The following CDH12 variants were observed in gnomAD, a reference collection of about 807,000 sequenced individuals.
CDH12 encodes the protein cadherin-12.
In CDH12, 41 loss-of-function variants were observed where a neutral mutation model predicts 74.1. That is an observed-to-expected ratio of 0.55 (90% CI 0.43 to 0.72). The LOEUF (loss-of-function observed/expected upper bound fraction) is 0.72, where lower values mean the gene tolerates loss of function less well. Among genes scored for constraint, CDH12 ranks in the 30% least tolerant of loss-of-function variants. The pLI is 0.00. For synonymous variants in CDH12, 399 were observed against 355.0 expected, an observed-to-expected ratio of 1.12 and a Z score of -1.39; for missense variants, 945 against 977.2, an observed-to-expected ratio of 0.97 and a Z score of 0.44.
chr5:22,346,786 G>T (rs1460315586), intron 3 of CDH12, among the ~76,000 whole-genome samples: 1 of 152,102 alleles, frequency 6.6e-6, no homozygotes, highest in African/African-American at 2.4e-5. Context: ...TGCTGGGAAA[G>T]GTCAGTGCAA....
intron 5 of CDH12, among the ~76,000 whole-genome samples, chr5:22,032,744 T>C (rs148339329): frequency 0.013 from 1,728 of 136,706 alleles, 27 homozygotes; most frequent in African/African-American, 0.049. Context: ...TTTGTATATA[T>C]ACATATTTAT....
chr5:22,565,182 C>T (rs1394197515), intron 1 of CDH12, among the ~76,000 whole-genome samples: 1 of 152,154 alleles, frequency 6.6e-6, no homozygotes, highest in East Asian at 1.9e-4. Flanking sequence ...GATCCACCTG[C>T]CCCTGCCTCC....
chr5:22,766,683 G>T (rs886594698), intron 1 of CDH12, among the ~76,000 whole-genome samples: 3 of 151,992 alleles, frequency 2.0e-5, no homozygotes, highest in African/African-American at 7.2e-5. Context: ...AACTCAACAA[G>T]ACTTGGAAAA....
chr5:21,766,398 A>G (rs370083283), intron 11 of CDH12, among the ~76,000 whole-genome samples: 7 of 152,074 alleles, frequency 4.6e-5, no homozygotes, highest in Admixed American at 6.5e-5. Flanking sequence ...CAGAAAGTAC[A>G]TATTATTTAA....
chr5:22,801,550 T>C (rs1748513257), intron 1 of CDH12, among the ~76,000 whole-genome samples: 1 of 150,588 alleles, frequency 6.6e-6, no homozygotes, highest in South Asian at 2.1e-4. Context: ...GTTGTCGATA[T>C]AATGCTTCTA....
At chr5:21,981,685 A>G (rs571842667) in intron 5 of CDH12, among the ~76,000 whole-genome samples, 1 of 152,136 alleles carries the variant, frequency 6.6e-6, no homozygotes, top group South Asian at 2.1e-4. Flanking sequence ...AGTAGGCCTT[A>G]GGTATTTTTT....
Position 22,412,023 on chromosome 5 carries a change from A to G in CDH12, c.-427-6672T>C, listed in dbSNP as rs1481552908. Among the ~76,000 whole-genome samples, 6 of 152,022 alleles carry G rather than the reference A, an allele frequency of 3.9e-5. No individual in the cohort carries two copies. In the East Asian group the frequency reaches 1.2e-3, roughly 29 times the overall value. ...AATGTGCAATGTGCTTTTAAAGCAC[A>G]ATTGTTTCTAATTAAAAAATTTATT... On this transcript the variant is annotated intron_variant, in intron 2 of 14. Transcript: ENST00000382254.
intron 3 of CDH12, among the ~76,000 whole-genome samples, chr5:22,234,544 T>C (rs553800118): frequency 3.0e-4 from 46 of 152,002 alleles, no homozygotes; most frequent in African/African-American, 1.0e-3. Context: ...AACATCTTTT[T>C]CTTCTCAGTC....
At chr5:21,797,783 G>A (rs776924868) in intron 10 of CDH12, among the ~76,000 whole-genome samples, 28 of 152,078 alleles carry the variant, frequency 1.8e-4, no homozygotes, top group Non-Finnish European at 3.1e-4. Flanking sequence ...AATTTGGAAC[G>A]TGTATCTTTA....
intron 1 of CDH12, among the ~76,000 whole-genome samples, chr5:22,583,284 C>T: frequency 6.6e-6 from 1 of 152,092 alleles, no homozygotes; most frequent in East Asian, 1.9e-4. Context: ...AAGATAATTT[C>T]AAACTAGGAA....
At chr5:22,098,405 A>G (rs553256648) in intron 4 of CDH12, among the ~76,000 whole-genome samples, 16 of 152,154 alleles carry the variant, frequency 1.1e-4, no homozygotes, top group Non-Finnish European at 1.9e-4. Flanking sequence ...ATTCTTACAC[A>G]AGAGCCAGGA....
In CDH12 at chr5:22,153,877, TATATATATATAA is replaced by T. The variant is rs1308035223; in HGVS notation, c.-187+58609_-187+58620del. On this transcript the variant is annotated intron_variant, in intron 4 of 14. Coordinates refer to ENST00000382254, the MANE Select transcript of CDH12 (RefSeq NM_004061.5). The stretch of plus-strand genomic sequence containing the variant: ...GTGTGTGTATATATATATATGTATA[TATATATATATAA>T]ATATATATATATATACACACACATA... Among the ~76,000 whole-genome samples, 385 of 58,676 alleles carry T rather than the reference TATATATATATAA, an allele frequency of 6.6e-3. 3 individuals are homozygous for T. Among genetic ancestry groups the T allele is most frequent in the Non-Finnish European group, 0.011 (311 of 28,378 alleles). The allele number at this position is 58,676 out of a possible 152,430, so 38.5% of individuals were successfully genotyped here. A position where few individuals can be genotyped will look rare whatever the true frequency, so the allele number is the denominator to read the frequency against.
At chr5:21,838,388 C>T (rs1402702155) in intron 8 of CDH12, among the ~76,000 whole-genome samples, 2 of 151,960 alleles carry the variant, frequency 1.3e-5, no homozygotes, top group Non-Finnish European at 2.9e-5. Context: ...GGTGAAACCC[C>T]GTCTCTAATA....
chr5:21,977,809 G>A (rs1299135655), intron 5 of CDH12, among the ~76,000 whole-genome samples: 2 of 152,114 alleles, frequency 1.3e-5, no homozygotes, highest in Non-Finnish European at 2.9e-5. Flanking sequence ...TACGTTAAAA[G>A]GTTGACCTGT....
At chr5:22,349,765 G>C (rs577238630) in intron 3 of CDH12, among the ~76,000 whole-genome samples, 33 of 152,034 alleles carry the variant, frequency 2.2e-4, no homozygotes, top group African/African-American at 7.5e-4. Context: ...GACGGAGTCT[G>C]GCTCTGTCGC....
chr5:22,051,766 C>T (rs1002927986), intron 5 of CDH12, among the ~76,000 whole-genome samples: 1 of 151,568 alleles, frequency 6.6e-6, no homozygotes, highest in African/African-American at 2.4e-5. Flanking sequence ...TCTGTACTTG[C>T]GAAGCTTAAT....
intron 1 of CDH12, among the ~76,000 whole-genome samples, chr5:22,543,784 C>T (rs903892667): frequency 6.6e-6 from 1 of 152,098 alleles, no homozygotes; most frequent in African/African-American, 2.4e-5. Flanking sequence ...TGGTAGGTAC[C>T]ACAAGCCTTT....
At chr5:21,882,988 A>G in intron 6 of CDH12, 17 of 1,590,692 alleles carry the variant, frequency 1.1e-5, no homozygotes, top group Non-Finnish European at 1.5e-5. Flanking sequence ...AAGATTAGCA[A>G]AGGTGCTAAT....
At chr5:22,193,946 C>T (rs1750452116) in intron 4 of CDH12, among the ~76,000 whole-genome samples, 1 of 152,128 alleles carries the variant, frequency 6.6e-6, no homozygotes, top group African/African-American at 2.4e-5. Context: ...AACTTAGGGA[C>T]TGCAAGGGAG....
Sources: gnomAD v4.1 joint callset for allele counts (sites outside exome capture counted in the v4.1 genomes callset) on GRCh38, gnomAD v4.1.1 for gene constraint, MANE v1.5 for transcripts, NCBI Gene and HGNC (gene_info 2026-07-23, HGNC 2026-07-21) for gene names.